ABCC2: variants seen among roughly 807,000 people sequenced by gnomAD.
ABCC2 encodes the protein ATP-binding cassette sub-family C member 2.
Under a neutral mutation model 173.4 loss-of-function variants are expected in ABCC2, and 157 were observed. The observed-to-expected ratio is 0.91, with a 90% CI of 0.80 to 1.03. The LOEUF (loss-of-function observed/expected upper bound fraction) is 1.03, where lower values mean the gene tolerates loss of function less well. ABCC2 is among the 50% of genes least tolerant of loss of function. The pLI, the probability that ABCC2 is intolerant of heterozygous loss-of-function variation, is 0.00. For missense variants in ABCC2, 1,822 were observed against 1,852.3 expected (o/e 0.98, Z 0.30); for synonymous variants, 657 against 693.5 (o/e 0.95, Z 0.83).
At chr10:99,814,196 TGTATATATACACAC>T (rs1168156580) in intron 16 of ABCC2, among the ~76,000 whole-genome samples, 10,140 of 46,532 alleles carry the variant, frequency 0.22, 1,764 homozygotes, top group Middle Eastern at 0.33. Flanking sequence ...TACACACATG[TGTATATATACACAC>T]ATGTGTATAT....
In ABCC2 at chr10:99,793,623, T is replaced by C; in HGVS notation, c.406T>C (p.Trp136Arg). The change falls in exon 4 of 32, where the codon TGG (tryptophan) becomes CGG (arginine). Residue 136 changes from tryptophan to arginine, a missense_variant. Trp to Arg is a moderately radical substitution (Grantham distance 101). Transcript: ENST00000647814. ...AAACTCCTGGTTCCTGTCCCTATTC[T>C]GGATTCTCTCGATACTCTGTGGCAC... ...QKNSWFLSLFWILSILCGTFQ... is the reference protein window; with the variant it reads ...QKNSWFLSLFRILSILCGTFQ... 6.2e-7 allele frequency: 1 copy of C among 1,614,148 alleles called. No individual in the cohort carries two copies. Among genetic ancestry groups the C allele is most frequent in the Non-Finnish European group, 8.5e-7 (1 of 1,180,002 alleles).
chr10:99,803,886 C>CA, intron 9 of ABCC2, 133 bp from the exon 10 acceptor site: 1 of 1,164,920 alleles, frequency 8.6e-7, no homozygotes, highest in East Asian at 2.4e-5. Context: ...GGCAAGAAGT[C>CA]ACAGTGCCTT....
chr10:99,817,338 T>C lies in ABCC2; in HGVS notation c.2125T>C (p.Trp709Arg), dbSNP rs764958537. The C allele has an allele frequency of 3.7e-6, 6 of 1,614,206 alleles. No homozygotes were observed. In the East Asian group the frequency reaches 1.1e-4, roughly 30 times the overall value. Residue 709 changes from tryptophan to arginine, a missense_variant, in exon 17 of 32, where the codon TGG becomes CGG. Coordinates refer to ENST00000647814, the MANE Select transcript of ABCC2 (RefSeq NM_000392.5). The stretch of plus-strand genomic sequence containing the variant: ...CACTGCCTATGTCCCACAGCAGTCC[T>C]GGATTCAGAATGGCACCATAAAGGA... Reference protein sequence around the residue: ...GTTAYVPQQSWIQNGTIKDNI... With the variant: ...GTTAYVPQQSRIQNGTIKDNI...
Position 99,814,124 on chromosome 10 carries a change from CAT to C in ABCC2, c.2094+983_2094+984del, listed in dbSNP as rs1370853182. Among the ~76,000 whole-genome samples the C allele has an allele frequency of 3.1e-3, 398 of 127,832 alleles. 25 individuals carry two copies. Among genetic ancestry groups the C allele is most frequent in the Non-Finnish European group, 5.1e-3 (308 of 60,016 alleles). 83.9% of individuals were successfully genotyped at this position (127,832 alleles called of 152,430 possible). Reference sequence around the variant, plus strand: ...ATACACACATATGTGTATATACACACATATGTGTGTATATATACACACATGTA... The same window carrying C: ...ATACACACATATGTGTATATACACACATGTGTGTATATATACACACATGTA... On this transcript the variant is annotated intron_variant, in intron 16 of 31. Transcript: ENST00000647814.
intron 20 of ABCC2, 130 bp from the exon 21 acceptor site, chr10:99,830,586 G>C (rs532267436): frequency 6.4e-7 from 1 of 1,561,542 alleles, no homozygotes; most frequent in East Asian, 2.2e-5. Flanking sequence ...GGAAAGATCG[G>C]GGTTGTGTCA....
intron 13 of ABCC2, 61 bp from the exon 14 acceptor site, chr10:99,810,073 A>C: frequency 6.6e-7 from 1 of 1,503,800 alleles, no homozygotes; most frequent in Non-Finnish European, 9.3e-7. Flanking sequence ...CAAAGTCAAA[A>C]TCTCTCTGCT....
chr10:99,825,112 A>C lies in ABCC2; in HGVS notation c.2621-5195A>C, dbSNP rs2038610642. The stretch of plus-strand genomic sequence containing the variant: ...TTTTTCCTAGTCCCTTTCCTGGTAT[A>C]TATCCCATCTTGGTCATGATTTTTT... On this transcript the variant is annotated intron_variant, in intron 19 of 31. Coordinates refer to ENST00000647814, the MANE Select transcript of ABCC2 (RefSeq NM_000392.5). Among the ~76,000 whole-genome samples the C allele has an allele frequency of 2.0e-5, 3 of 150,514 alleles. No homozygotes were observed. The South Asian group carries it at 6.3e-4, about 32-fold the overall frequency.
chr10:99,788,346 G>A (rs993424752), intron 2 of ABCC2, among the ~76,000 whole-genome samples: 4 of 152,014 alleles, frequency 2.6e-5, no homozygotes, highest in Non-Finnish European at 5.9e-5. Flanking sequence ...AGCCAAACTC[G>A]TACTGATACC....
Position 99,800,460 on chromosome 10 carries a change from C to T in ABCC2, c.1106C>T (p.Thr369Ile). The change falls in exon 9 of 32, where the codon ACT becomes ATT. Residue 369 changes from threonine (T) to isoleucine (I), a missense_variant. Transcript: ENST00000647814. ...IGYLCAILLF[T>I]AALIQSFCLQ... ...TATCTCTGTGCAATCCTCTTATTCA[C>T]TGCGGCTCTCATTCAGTCTTTCTGC... The T allele has an allele frequency of 6.2e-7, 1 of 1,614,216 alleles. No homozygotes were observed. Among genetic ancestry groups the T allele is most frequent in the Non-Finnish European group, 8.5e-7 (1 of 1,180,044 alleles).
At chr10:99,832,177 ATCTT>A in intron 23 of ABCC2, 46 bp downstream of exon 23, 19 of 1,612,310 alleles carry the variant, frequency 1.2e-5, no homozygotes, top group Non-Finnish European at 1.6e-5. Context: ...TATACTGAGG[ATCTT>A]TCTGATAGGG....
chr10:99,814,346 C>CACACATGTATATAT lies in ABCC2; in HGVS notation c.2094+1206_2094+1207insATGTATATATACAC, dbSNP rs1564684599. ...GTATGTATACACACATGTATATATA[C>CACACATGTATATAT]ACACGTATGTATACACACATGTATA... On this transcript the variant is annotated intron_variant, in intron 16 of 31. Transcript: ENST00000647814. 5.4e-4 allele frequency among the ~76,000 whole-genome samples: 73 copies of CACACATGTATATAT among 135,690 alleles called. 25 individuals carry two copies. The highest frequency in any genetic ancestry group is 1.2e-3 in the Non-Finnish European group (71 of 60,162). The allele number at this position is 135,690 out of a possible 152,430, so 89.0% of individuals were successfully genotyped here.
chr10:99,829,288 C>A (rs2038697615), intron 19 of ABCC2, among the ~76,000 whole-genome samples: 1 of 152,002 alleles, frequency 6.6e-6, no homozygotes, highest in South Asian at 2.1e-4. Flanking sequence ...TGTTAGTTTT[C>A]TAGGTTATAG....
At chr10:99,787,684 T>C (rs917458858) in intron 2 of ABCC2, among the ~76,000 whole-genome samples, 4 of 117,806 alleles carry the variant, frequency 3.4e-5, no homozygotes, top group African/African-American at 1.3e-4. Flanking sequence ...TCTGTTCATA[T>C]CACTTCCTTA....
rs573313755 is a variant in ABCC2 at position 99,845,497 on chromosome 10, T to G, written c.3988-127T>G. On this transcript the variant is annotated intron_variant, in intron 28 of 31. Transcript: ENST00000647814. ...TTTCCTCACCAAAACCAAAATCAGT[T>G]TAATATCTTAGAGATGGAGTAGCCA... 8 of 1,255,022 alleles carry G rather than the reference T, an allele frequency of 6.4e-6. No homozygotes were observed. The South Asian group carries it at 7.4e-5, about 12-fold the overall frequency. 77.7% of individuals were successfully genotyped at this position (1,255,022 alleles called of 1,614,324 possible).
intron 29 of ABCC2, among the ~76,000 whole-genome samples, chr10:99,846,399 C>CT (rs1411002699): frequency 6.6e-6 from 1 of 152,144 alleles, no homozygotes; most frequent in Non-Finnish European, 1.5e-5. Flanking sequence ...TTTCTCCAGC[C>CT]TCTTCAAAAG....
In ABCC2 at chr10:99,800,525, A is replaced by G. The variant is rs551601287; in HGVS notation, c.1171A>G (p.Lys391Glu). 1 of 1,614,188 alleles carries G rather than the reference A, an allele frequency of 6.2e-7. No homozygotes were observed. Among genetic ancestry groups the G allele is most frequent in the South Asian group, 1.1e-5 (1 of 91,088 alleles). Residue 391 changes from lysine to glutamate, a missense_variant, in exon 9 of 32, where the codon AAA becomes GAA. By Grantham distance (56) the Lys-to-Glu change is moderately conservative. Transcript: ENST00000647814. ...CCAACTGTGCTTCAAGCTGGGTGTA[A>G]AAGTACGGACAGCTATCATGGCTTC... ...YFQLCFKLGV[K>E]VRTAIMASVY... is the part of the protein sequence containing the mutation.
intron 26 of ABCC2, among the ~76,000 whole-genome samples, chr10:99,842,623 A>G (rs1051059937): frequency 1.3e-5 from 2 of 152,218 alleles, no homozygotes; most frequent in African/African-American, 4.8e-5. Flanking sequence ...AGTGGCTGGC[A>G]CTACCGTAAT....
In ABCC2 at chr10:99,844,437, T is replaced by A. The variant is rs962388011; in HGVS notation, c.3959T>A (p.Ile1320Asn). The A allele has an allele frequency of 6.2e-7, 1 of 1,613,954 alleles. No individual in the cohort carries two copies. The highest frequency in any genetic ancestry group is 8.5e-7 in the Non-Finnish European group (1 of 1,180,048). ...GAGCTGGATCTGGTCCTCAGAGGGA[T>A]CACTTGTGACATCGGTAGCATGGAG... ...RPELDLVLRG[I>N]TCDIGSMEKI... Residue 1320 changes from isoleucine to asparagine, a missense_variant, in exon 28 of 32, where the codon ATC (isoleucine) becomes AAC (asparagine). Physicochemically the swap from Ile to Asn is moderately radical, Grantham distance 149 (BLOSUM62 -3). Coordinates refer to ENST00000647814, the MANE Select transcript of ABCC2 (RefSeq NM_000392.5).
At position 99,845,739 on chromosome 10, in the gene ABCC2, T is replaced by A. The variant is rs150575961; in HGVS notation, c.4103T>A (p.Ile1368Asn). 1.2e-6 allele frequency: 2 copies of A among 1,612,934 alleles called. No homozygotes were observed. The highest frequency in any genetic ancestry group is 1.7e-5 in the Admixed American group (1 of 59,922). The change falls in exon 29 of 32, where the codon ATT becomes AAT. Residue 1368 changes from isoleucine (I) to asparagine (N), a missense_variant. Physicochemically the swap from Ile to Asn is moderately radical, Grantham distance 149. Coordinates refer to ENST00000647814, the MANE Select transcript of ABCC2 (RefSeq NM_000392.5). ...ATTGATGGAGTAGATATTGCTTCCA[T>A]TGGGCTCCACGACCTCCGAGAGAAG... ...IIIDGVDIAS[I>N]GLHDLREKLT... is the part of the protein sequence containing the mutation.
Sources: allele counts gnomAD v4.1 joint callset (sites outside exome capture counted in the v4.1 genomes callset), GRCh38; gene constraint gnomAD v4.1.1; transcripts MANE v1.5; gene names NCBI Gene and HGNC (gene_info 2026-07-23, HGNC 2026-07-21).